NLK: variants seen among roughly 807,000 people sequenced by gnomAD.
The protein encoded by NLK is nemo like kinase, also known as serine/threonine-protein kinase NLK.
Under a neutral mutation model 59.0 loss-of-function variants are expected in NLK, and 11 were observed. The ratio of observed to expected loss-of-function variants is 0.19; its 90% confidence interval spans 0.12 to 0.31. The LOEUF is 0.31. Among genes scored for constraint, NLK ranks in the 10% least tolerant of loss-of-function variants. The probability of loss-of-function intolerance (pLI) is 1.00; values close to 1 mark genes in which losing one functional copy is unlikely to be tolerated. For missense variants in NLK, 410 were observed against 661.1 expected, an observed-to-expected ratio of 0.62 and a Z score of 4.16; for synonymous variants, 235 against 235.9, an observed-to-expected ratio of 1.00 and a Z score of 0.03.
rs527686804 is a variant in NLK at position 28,092,747 on chromosome 17, TTTTTATTTTATTTTATTTTATTTTA to T, written c.459-29817_459-29793del. Among the ~76,000 whole-genome samples the T allele has an allele frequency of 7.7e-4, 107 of 139,390 alleles. 1 individual carries two copies. Among genetic ancestry groups the T allele is most frequent in the African/African-American group, 2.6e-3 (95 of 36,156 alleles). 91.4% of individuals were successfully genotyped at this position (139,390 alleles called of 152,430 possible). On this transcript the variant is annotated intron_variant, in intron 1 of 10. Coordinates refer to ENST00000407008, the MANE Select transcript of NLK (RefSeq NM_016231.5). ...AAGAGCTAAGCAACTAAGTGGCTTGTTTTTATTTTATTTTATTTTATTTTATTTTATTTTATTTTATTTTATTTTA... is the reference window on the plus strand; with the variant it reads ...AAGAGCTAAGCAACTAAGTGGCTTGTTTTTATTTTATTTTATTTTATTTTA...
chr17:28,202,678 C>G, the NLK span, among the ~76,000 whole-genome samples: 1 of 143,020 alleles, frequency 7.0e-6, no homozygotes, highest in African/African-American at 2.6e-5. Flanking sequence ...ATTTCTTTTT[C>G]TTTTTTTTCT....
At chr17:28,092,615 C>T (rs1029669050) in intron 1 of NLK, among the ~76,000 whole-genome samples, 1 of 152,066 alleles carries the variant, frequency 6.6e-6, no homozygotes, top group African/African-American at 2.4e-5. Context: ...TGTTTTCTAA[C>T]CAGAGTTAAG....
chr17:28,068,926 G>A (rs938561418), intron 1 of NLK, among the ~76,000 whole-genome samples: 17 of 152,084 alleles, frequency 1.1e-4, no homozygotes, highest in African/African-American at 3.1e-4. Flanking sequence ...CGATCCTCAC[G>A]CCTCAGCCTC....
At chr17:28,183,158 A>G (rs1402832640) in intron 7 of NLK, among the ~76,000 whole-genome samples, 11 of 152,204 alleles carry the variant, frequency 7.2e-5, no homozygotes, top group Non-Finnish European at 2.9e-5. Flanking sequence ...CCTGGGCAAC[A>G]TAGCAAGACT....
In NLK at chr17:28,061,596, T is replaced by C. The variant is rs1366295461; in HGVS notation, c.458+18265T>C. ...TTCCTTAAAACTAGAAATGCAATTT[T>C]ATTTCCTTAGAAGTTTTATTTTGTA... On this transcript the variant is annotated intron_variant, in intron 1 of 10. Coordinates refer to ENST00000407008, the MANE Select transcript of NLK (RefSeq NM_016231.5). 5.9e-5 allele frequency among the ~76,000 whole-genome samples: 9 copies of C among 152,090 alleles called. No individual in the cohort carries two copies. In the East Asian group the frequency reaches 1.4e-3, roughly 23 times the overall value.
At chr17:28,087,235 A>C (rs1197305541) in intron 1 of NLK, among the ~76,000 whole-genome samples, 2 of 152,178 alleles carry the variant, frequency 1.3e-5, no homozygotes, top group Non-Finnish European at 2.9e-5. Flanking sequence ...GTAATTTCAA[A>C]TATTATCTGA....
At chr17:28,136,359 C>T (rs1367604220) in intron 3 of NLK, among the ~76,000 whole-genome samples, 2 of 151,998 alleles carry the variant, frequency 1.3e-5, no homozygotes, top group African/African-American at 4.8e-5. Context: ...AAGCATTTTC[C>T]AATAGTGGTG....
At chr17:28,087,748 A>G (rs1910562459) in intron 1 of NLK, among the ~76,000 whole-genome samples, 1 of 151,218 alleles carries the variant, frequency 6.6e-6, no homozygotes, top group Non-Finnish European at 1.5e-5. Context: ...TTTGAAAGTG[A>G]CCTTGTTTGT....
At chr17:28,085,824 A>G (rs1424859434) in intron 1 of NLK, among the ~76,000 whole-genome samples, 3 of 152,266 alleles carry the variant, frequency 2.0e-5, no homozygotes, top group Non-Finnish European at 4.4e-5. Context: ...CAACACCATT[A>G]CATTTTGGCT....
At chr17:28,144,759 G>A (rs1319859815) in intron 3 of NLK, among the ~76,000 whole-genome samples, 1 of 152,164 alleles carries the variant, frequency 6.6e-6, no homozygotes, top group Non-Finnish European at 1.5e-5. Context: ...TAGACACCAG[G>A]AGGCATGTGT....
chr17:28,088,650 T>G (rs1338367225), intron 1 of NLK, among the ~76,000 whole-genome samples: 1 of 152,178 alleles, frequency 6.6e-6, no homozygotes, highest in Non-Finnish European at 1.5e-5. Flanking sequence ...ATCATTGTCT[T>G]TATTGGTATG....
intron 1 of NLK, among the ~76,000 whole-genome samples, chr17:28,076,999 T>C (rs956333684): frequency 1.3e-5 from 2 of 152,056 alleles, no homozygotes; most frequent in African/African-American, 4.8e-5. Context: ...TTTTTTTAAA[T>C]TGATGTTTTC....
the NLK span, among the ~76,000 whole-genome samples, chr17:28,203,160 T>TACACACACACACACACACACACACAC: frequency 1.5e-3 from 193 of 127,114 alleles, 5 homozygotes; most frequent in African/African-American, 6.3e-3. Flanking sequence ...TGTATATACA[T>TACACACACACACACACACACACACAC]ACATACACAC....
Position 28,194,595 on chromosome 17 carries a change from C to G in NLK, c.1543C>G (p.Gln515Glu). ...FKSFISSTVA[Q>E]PSEMPPSPLV... is the part of the protein sequence containing the mutation. ...GTTTTCTTCCAGTTCCACTGTTGCT[C>G]AGCCATCTGAGATGCCCCCATCTCC... Residue 515 changes from glutamine to glutamate, a missense_variant, in exon 11 of 11, where the codon CAG becomes GAG. Gln to Glu is a conservative substitution (Grantham distance 29). Transcript: ENST00000407008. 1.3e-6 allele frequency: 2 copies of G among 1,598,102 alleles called. No homozygotes were observed. The highest frequency in any genetic ancestry group is 1.7e-6 in the Non-Finnish European group (2 of 1,167,908).
chr17:28,203,160 T>TACACACACACACACACACAC, the NLK span, among the ~76,000 whole-genome samples: 204 of 127,126 alleles, frequency 1.6e-3, 4 homozygotes, highest in African/African-American at 6.6e-3. Flanking sequence ...TGTATATACA[T>TACACACACACACACACACAC]ACATACACAC....
At chr17:28,065,296 T>C (rs1909790354) in intron 1 of NLK, among the ~76,000 whole-genome samples, 1 of 151,864 alleles carries the variant, frequency 6.6e-6, no homozygotes, top group Admixed American at 6.6e-5. Context: ...GGGAGTGATA[T>C]TTGAGTTAAA....
intron 1 of NLK, among the ~76,000 whole-genome samples, chr17:28,113,633 A>T (rs557210242): frequency 1.3e-5 from 2 of 152,152 alleles, no homozygotes; most frequent in East Asian, 3.9e-4. Flanking sequence ...GTTTTGGTGT[A>T]TTTTAGCTGG....
downstream of NLK, among the ~76,000 whole-genome samples, chr17:28,200,852 T>G (rs548545620): frequency 6.6e-6 from 1 of 152,334 alleles, no homozygotes; most frequent in Non-Finnish European, 1.5e-5. Context: ...GTTTTAACGC[T>G]TATACTGGCA....
At chr17:28,059,287 T>C (rs917238160) in intron 1 of NLK, among the ~76,000 whole-genome samples, 14 of 152,204 alleles carry the variant, frequency 9.2e-5, no homozygotes, top group African/African-American at 3.4e-4. Flanking sequence ...TGTTTTCTTA[T>C]GTTTGGATTT....
Sources: allele counts gnomAD v4.1 joint callset (sites outside exome capture counted in the v4.1 genomes callset), GRCh38; gene constraint gnomAD v4.1.1; transcripts MANE v1.5; gene names NCBI Gene and HGNC (gene_info 2026-07-23, HGNC 2026-07-21).